Variants in QNG1 observed in about 807,000 individuals in gnomAD.
QNG1 encodes the protein queuosine 5'-phosphate N-glycosylase/hydrolase.
chr9:83,941,667 C>T, the QNG1 span, among the ~76,000 whole-genome samples: 1 of 152,118 alleles, frequency 6.6e-6, no homozygotes, highest in Non-Finnish European at 1.5e-5. Flanking sequence ...AATCTCAGCA[C>T]TTTGGGAGGC....
the QNG1 span, among the ~76,000 whole-genome samples, chr9:83,943,928 G>GTCT: frequency 6.6e-6 from 1 of 152,192 alleles, no homozygotes; most frequent in Non-Finnish European, 1.5e-5. Flanking sequence ...GGCTGAGGCA[G>GTCT]GAGAATGGCC....
chr9:83,948,325 CCG>C, the QNG1 span, among the ~76,000 whole-genome samples: 3 of 102,374 alleles, frequency 2.9e-5, no homozygotes, highest in Non-Finnish European at 8.0e-5. Context: ...GGCAGCCGCC[CCG>C]TCTGGGAAGT....
the QNG1 span, among the ~76,000 whole-genome samples, chr9:83,948,615 C>T: frequency 9.0e-4 from 133 of 147,130 alleles, no homozygotes; most frequent in African/African-American, 3.1e-3. Context: ...TCATTGAGAG[C>T]GGGCCATGAT....
chr9:83,947,846 G>A, the QNG1 span, among the ~76,000 whole-genome samples: 1 of 152,206 alleles, frequency 6.6e-6, no homozygotes, highest in South Asian at 2.1e-4. Flanking sequence ...GTGCAGTAGC[G>A]TGATCTCGAC....
At chr9:83,956,261 C>T in the QNG1 span, 1 of 1,614,136 alleles carries the variant, frequency 6.2e-7, no homozygotes, top group Non-Finnish European at 8.5e-7. Flanking sequence ...CGTCCTGCTC[C>T]GACCAAAAGG....
At chr9:83,948,512 A>ACG in the QNG1 span, among the ~76,000 whole-genome samples, 3 of 131,476 alleles carry the variant, frequency 2.3e-5, no homozygotes, top group Non-Finnish European at 4.9e-5. Flanking sequence ...CCTGTCCGGG[A>ACG]GGGGGGGGGC....
At chr9:83,955,528 C>G in the QNG1 span, 1 of 1,614,194 alleles carries the variant, frequency 6.2e-7, no homozygotes, top group South Asian at 1.1e-5. Flanking sequence ...CATTGAGAAT[C>G]CGATGCCTCT....
At chr9:83,952,184 G>A in the QNG1 span, among the ~76,000 whole-genome samples, 6 of 151,648 alleles carry the variant, frequency 4.0e-5, no homozygotes, top group South Asian at 6.2e-4. Flanking sequence ...GGAGTCTCAC[G>A]TGTTGTCCAG....
chr9:83,955,560 C>T, the QNG1 span: 3 of 1,614,180 alleles, frequency 1.9e-6, no homozygotes, highest in Non-Finnish European at 2.5e-6. Context: ...GGCATGGAAA[C>T]GTCTGTGTCA....
the QNG1 span, among the ~76,000 whole-genome samples, chr9:83,946,260 G>A: frequency 4.0e-5 from 6 of 151,734 alleles, no homozygotes; most frequent in Non-Finnish European, 7.4e-5. Context: ...AGCCGAGATC[G>A]CACCACTGCA....
At chr9:83,940,266 A>G in the QNG1 span, among the ~76,000 whole-genome samples, 1 of 152,166 alleles carries the variant, frequency 6.6e-6, no homozygotes, top group South Asian at 2.1e-4. Context: ...TTAGCCAGGC[A>G]TGGTGGTATG....
the QNG1 span, among the ~76,000 whole-genome samples, chr9:83,943,522 T>C: frequency 6.6e-6 from 1 of 152,032 alleles, no homozygotes; most frequent in Non-Finnish European, 1.5e-5. Flanking sequence ...TAGTGACCCT[T>C]GACATGGGCA....
the QNG1 span, among the ~76,000 whole-genome samples, chr9:83,947,666 G>A: frequency 6.6e-6 from 1 of 152,172 alleles, no homozygotes. Context: ...GGCGCTCGCC[G>A]CCACGCCTGA....
chr9:83,944,704 T>G, the QNG1 span: 1 of 1,004,444 alleles, frequency 1.0e-6, no homozygotes, highest in Non-Finnish European at 1.5e-6. Context: ...TAGTACTTTT[T>G]TTTTAAAGCA....
chr9:83,947,983 G>A, the QNG1 span, among the ~76,000 whole-genome samples: 3 of 143,232 alleles, frequency 2.1e-5, no homozygotes, highest in African/African-American at 6.0e-5. Context: ...CATCGTCTGG[G>A]ATGTGAGGAG....
the QNG1 span, among the ~76,000 whole-genome samples, chr9:83,952,327 A>G: frequency 6.6e-6 from 1 of 152,170 alleles, no homozygotes; most frequent in Non-Finnish European, 1.5e-5. Flanking sequence ...AGAAACAAGT[A>G]CTCATGAGAA....
chr9:83,947,889 T>C, the QNG1 span, among the ~76,000 whole-genome samples: 113 of 152,206 alleles, frequency 7.4e-4, no homozygotes, highest in Admixed American at 2.9e-3. Flanking sequence ...GCCGCCTGCC[T>C]TGGCCTCTCA....
the QNG1 span, among the ~76,000 whole-genome samples, chr9:83,941,938 G>C: frequency 6.3e-3 from 953 of 152,098 alleles, 16 homozygotes; most frequent in African/African-American, 0.021. Context: ...AGGATACAAA[G>C]AGACAGGAGA....
chr9:83,940,932 C>T, the QNG1 span, among the ~76,000 whole-genome samples: 2 of 152,206 alleles, frequency 1.3e-5, no homozygotes, highest in African/African-American at 4.8e-5. Context: ...TCCTCCATTT[C>T]CTTACTTTGC....
Sources: gnomAD v4.1 joint callset for allele counts (sites outside exome capture counted in the v4.1 genomes callset) on GRCh38, gnomAD v4.1.1 for gene constraint, MANE v1.5 for transcripts, NCBI Gene and HGNC (gene_info 2026-07-23, HGNC 2026-07-21) for gene names.